KCNMA1: variants seen among roughly 807,000 people sequenced by gnomAD.
KCNMA1 encodes potassium calcium-activated channel subfamily M alpha 1, also known as Calcium-activated potassium channel subunit alpha-1.
A neutral mutation model predicts 140.0 loss-of-function variants in KCNMA1; 29 were observed. That is an observed-to-expected ratio of 0.21 (90% CI 0.15 to 0.28). KCNMA1 has a LOEUF of 0.28. Ranked by LOEUF, KCNMA1 falls within the 10% of genes least tolerant of loss-of-function variation. KCNMA1 has a pLI of 1.00. For synonymous variants in KCNMA1, 612 were observed against 611.9 expected, an observed-to-expected ratio of 1.00 and a Z score of 0.00; for missense variants, 880 against 1,602.2, an observed-to-expected ratio of 0.55 and a Z score of 7.70.
In KCNMA1 at chr10:77,045,101, A is replaced by G. The variant is rs116251046; in HGVS notation, c.1750-5464T>C. On this transcript the variant is annotated intron_variant, in intron 14 of 27. Coordinates refer to ENST00000286628, the MANE Select transcript of KCNMA1 (RefSeq NM_001161352.2). ...AGCATAAAAGTATGGTTTCTATTAT[A>G]CAAAATGGAAACTTCCTAGCCTACA... is the stretch of plus-strand genomic sequence containing the variant. Among the ~76,000 whole-genome samples the G allele has an allele frequency of 6.6e-3, 1,010 of 152,342 alleles. 11 individuals are homozygous for G. The highest frequency in any genetic ancestry group is 0.023 in the African/African-American group (975 of 41,572).
chr10:76,874,249 ATGT>A (rs1008403524), downstream of KCNMA1: 5 of 152,200 alleles, frequency 3.3e-5, no homozygotes, highest in Admixed American at 2.0e-4. Flanking sequence ...AGAGCAGAAA[ATGT>A]TCACCACTCC....
intron 2 of KCNMA1, among the ~76,000 whole-genome samples, chr10:77,316,603 A>T (rs561047537): frequency 1.3e-5 from 2 of 152,250 alleles, no homozygotes; most frequent in East Asian, 1.9e-4. Flanking sequence ...CACTTTGAGA[A>T]GCATTGGTTT....
At chr10:76,998,384 T>C (rs1236139079) in intron 19 of KCNMA1, among the ~76,000 whole-genome samples, 1 of 152,088 alleles carries the variant, frequency 6.6e-6, no homozygotes, top group South Asian at 2.1e-4. Context: ...AGAAATGAAT[T>C]AGGCAGTCTC....
intron 1 of KCNMA1, among the ~76,000 whole-genome samples, chr10:77,572,307 T>C (rs1377842224): frequency 2.0e-5 from 3 of 151,848 alleles, no homozygotes; most frequent in Non-Finnish European, 2.9e-5. Context: ...CCAGGTAGTT[T>C]CCAGAAGGCT....
chr10:76,921,805 C>A lies in KCNMA1; in HGVS notation c.2903-6756G>T, dbSNP rs190565645. On this transcript the variant is annotated intron_variant, in intron 23 of 27. Transcript: ENST00000286628. ...GGAAACAGGTTTTTGGAAATGACTG[C>A]AAGAAAAATCCAGCCAAAGGAAAAA... Among the ~76,000 whole-genome samples the A allele has an allele frequency of 5.3e-3, 811 of 152,264 alleles. 5 individuals carry two copies. Among genetic ancestry groups the A allele is most frequent in the African/African-American group, 0.018 (766 of 41,542 alleles).
intron 3 of KCNMA1, among the ~76,000 whole-genome samples, chr10:77,205,415 T>C (rs1007072004): frequency 2.0e-5 from 3 of 152,098 alleles, no homozygotes; most frequent in African/African-American, 7.2e-5. Context: ...CAAGCAACAA[T>C]GGAAAAAGAT....
At chr10:77,319,596 G>A (rs746397012) in intron 2 of KCNMA1, among the ~76,000 whole-genome samples, 7 of 152,164 alleles carry the variant, frequency 4.6e-5, no homozygotes, top group African/African-American at 1.2e-4. Context: ...CTCCTATTAC[G>A]TCCTCTTTCT....
chr10:77,506,498 G>C (rs1465809378), intron 1 of KCNMA1, among the ~76,000 whole-genome samples: 1 of 151,992 alleles, frequency 6.6e-6, no homozygotes, highest in Non-Finnish European at 1.5e-5. Flanking sequence ...GAGAGACAGA[G>C]AGAGAAAGAG....
At chr10:77,555,831 T>C (rs2064175210) in intron 1 of KCNMA1, among the ~76,000 whole-genome samples, 1 of 151,040 alleles carries the variant, frequency 6.6e-6, no homozygotes, top group Admixed American at 6.6e-5. Flanking sequence ...CTGGAGAGGT[T>C]AGTGCTAGAG....
intron 5 of KCNMA1, among the ~76,000 whole-genome samples, chr10:77,181,964 T>C (rs1471497611): frequency 1.3e-5 from 2 of 152,092 alleles, no homozygotes; most frequent in Admixed American, 6.5e-5. Flanking sequence ...AATATAGAGA[T>C]TACCACACAT....
chr10:76,962,778 C>G (rs1390954067), intron 20 of KCNMA1, among the ~76,000 whole-genome samples: 1 of 152,150 alleles, frequency 6.6e-6, no homozygotes, highest in Non-Finnish European at 1.5e-5. Context: ...AGGATGCAAT[C>G]AAACTAACTA....
At chr10:77,516,195 C>A (rs1226066120) in intron 1 of KCNMA1, among the ~76,000 whole-genome samples, 1 of 152,042 alleles carries the variant, frequency 6.6e-6, no homozygotes, top group African/African-American at 2.4e-5. Flanking sequence ...AGCCCACCCC[C>A]CTACTCCGCC....
intron 2 of KCNMA1, among the ~76,000 whole-genome samples, chr10:77,379,299 T>A (rs1273605604): frequency 1.3e-5 from 2 of 152,170 alleles, no homozygotes; most frequent in Non-Finnish European, 2.9e-5. Flanking sequence ...TGTTATTATC[T>A]TTTAAAGACA....
chr10:77,367,518 C>T (rs1392605850), intron 2 of KCNMA1, among the ~76,000 whole-genome samples: 1 of 152,116 alleles, frequency 6.6e-6, no homozygotes, highest in Non-Finnish European at 1.5e-5. Flanking sequence ...ATTGCTAAAC[C>T]TCTTGAATAA....
chr10:77,488,862 T>C (rs931775960), intron 1 of KCNMA1, among the ~76,000 whole-genome samples: 13 of 152,374 alleles, frequency 8.5e-5, no homozygotes, highest in Middle Eastern at 6.8e-3. Context: ...GGTCACCTGC[T>C]GACACTTCAT....
At chr10:77,420,050 C>A (rs1566733053) in intron 1 of KCNMA1, among the ~76,000 whole-genome samples, 1 of 152,236 alleles carries the variant, frequency 6.6e-6, no homozygotes, top group Non-Finnish European at 1.5e-5. Flanking sequence ...TGATTTGTAC[C>A]TGCCTTGGAA....
chr10:77,186,781 G>GTA lies in KCNMA1; in HGVS notation c.603-1866_603-1865insTA, dbSNP rs960445927. Among the ~76,000 whole-genome samples the GTA allele has an allele frequency of 1.0e-3, 14 of 13,404 alleles. No individual in the cohort carries two copies. In the Admixed American group the frequency reaches 0.012, roughly 12 times the overall value. 8.8% of individuals were successfully genotyped at this position (13,404 alleles called of 152,430 possible). A position where few individuals can be genotyped will look rare whatever the true frequency, so the allele number is the denominator to read the frequency against. On this transcript the variant is annotated intron_variant, in intron 3 of 27. Transcript: ENST00000286628. Reference sequence around the variant, plus strand: ...GGATACGTTACTAAAGAGTAAATGTGTGTGTGTGTGTGTGTGTGTGTGTGT... The same window carrying GTA: ...GGATACGTTACTAAAGAGTAAATGTGTATGTGTGTGTGTGTGTGTGTGTGTGT...
chr10:77,432,835 C>A (rs537988228), intron 1 of KCNMA1, among the ~76,000 whole-genome samples: 4 of 151,990 alleles, frequency 2.6e-5, no homozygotes, highest in African/African-American at 7.2e-5. Flanking sequence ...TACACCTGGG[C>A]GAGAGAGACT....
rs867799875 is a variant in KCNMA1, at chr10:77,443,793, A to G, written c.379-39770T>C. 8.5e-5 allele frequency among the ~76,000 whole-genome samples: 13 copies of G among 152,354 alleles called. No homozygotes were observed. In the East Asian group the frequency reaches 2.5e-3, roughly 29 times the overall value. On this transcript the variant is annotated intron_variant, in intron 1 of 27. Transcript: ENST00000286628. ...ATAGATTTGTGATAAAGAAATACTG[A>G]ATGCTAAAATGAAAATAAAAATATC... is the stretch of plus-strand genomic sequence containing the variant.
Sources: allele counts gnomAD v4.1 joint callset (sites outside exome capture counted in the v4.1 genomes callset), GRCh38; gene constraint gnomAD v4.1.1; transcripts MANE v1.5; gene names NCBI Gene and HGNC (gene_info 2026-07-23, HGNC 2026-07-21).